The following ZNF469 variants were observed in gnomAD, a reference collection of about 807,000 sequenced individuals.
ZNF469 encodes the protein zinc finger protein 469.
Under a neutral mutation model 1.0 loss-of-function variants are expected in ZNF469, and 1 was observed. The observed-to-expected ratio is 1.00, with a 90% CI of 0.35 to 4.73. The LOEUF is 4.73. Ranked by LOEUF, ZNF469 falls within the 30% of genes most tolerant of loss-of-function variation. The pLI is 0.16. For synonymous variants in ZNF469, 2,703 were observed against 2,363.4 expected (o/e 1.14, Z -4.17); for missense variants, 6,100 against 5,356.3 (o/e 1.14, Z -4.33).
rs1347569276 is a variant in ZNF469 at position 88,431,870 on chromosome 16, C to T, written c.4400C>T (p.Pro1467Leu). The T allele has an allele frequency of 1.9e-6, 3 of 1,550,054 alleles. No individual in the cohort carries two copies. Among genetic ancestry groups the T allele is most frequent in the Non-Finnish European group, 2.6e-6 (3 of 1,146,836 alleles). The change falls in exon 3 of 3, where the codon CCC (proline) becomes CTC (leucine). Residue 1467 changes from proline (P) to leucine (L), a missense_variant. Physicochemically the swap from Pro to Leu is moderately conservative, Grantham distance 98. Transcript: ENST00000565624. ...PDLPVDRFDP[P>L]LYGSLSANRD... ...CTGCCGGTGGACAGATTCGACCCACCCCTCTATGGCAGCCTGTCTGCGAAC... is the reference window on the plus strand; with the variant it reads ...CTGCCGGTGGACAGATTCGACCCACTCCTCTATGGCAGCCTGTCTGCGAAC...
the ZNF469 span, among the ~76,000 whole-genome samples, chr16:88,364,677 G>A: frequency 6.6e-6 from 1 of 152,104 alleles, no homozygotes; most frequent in African/African-American, 2.4e-5. Flanking sequence ...TAAAAGTCTT[G>A]TATAGACTGG....
the ZNF469 span, among the ~76,000 whole-genome samples, chr16:88,149,582 A>T: frequency 6.6e-6 from 1 of 152,098 alleles, no homozygotes; most frequent in Non-Finnish European, 1.5e-5. Context: ...CGAGTCTTGC[A>T]CTCAGTCCAA....
At chr16:88,205,263 C>G in the ZNF469 span, among the ~76,000 whole-genome samples, 1 of 152,170 alleles carries the variant, frequency 6.6e-6, no homozygotes, top group Non-Finnish European at 1.5e-5. The surrounding 1 kb of genome is among the most constrained non-coding windows in gnomAD (Gnocchi z 4.2). Flanking sequence ...AGAACGTTGG[C>G]TTCGTAGAAC....
chr16:88,218,844 G>A, the ZNF469 span, among the ~76,000 whole-genome samples: 727 of 149,902 alleles, frequency 4.8e-3, 5 homozygotes, highest in African/African-American at 0.017. Flanking sequence ...GTTTGCAGAC[G>A]ACATGATTGT....
chr16:88,367,377 T>G, the ZNF469 span, among the ~76,000 whole-genome samples: 1 of 152,192 alleles, frequency 6.6e-6, no homozygotes. Context: ...CCACAACTCG[T>G]GAGTGACGGA....
the ZNF469 span, among the ~76,000 whole-genome samples, chr16:88,330,290 G>C: frequency 6.6e-6 from 1 of 152,204 alleles, no homozygotes; most frequent in Non-Finnish European, 1.5e-5. Flanking sequence ...ACATGCGAAG[G>C]CCCTTCCTAG....
chr16:88,176,045 C>G, the ZNF469 span, among the ~76,000 whole-genome samples: 3 of 152,174 alleles, frequency 2.0e-5, no homozygotes, highest in African/African-American at 7.2e-5. Flanking sequence ...GGCCCTCTTG[C>G]TTGTAGAAGT....
chr16:88,248,552 A>C, the ZNF469 span, among the ~76,000 whole-genome samples: 2,895 of 152,264 alleles, frequency 0.019, 93 homozygotes, highest in African/African-American at 0.066. Flanking sequence ...ATTCCCCCCA[A>C]CTAATTTTAA....
Position 88,431,075 on chromosome 16 carries a change from C to G in ZNF469, c.3605C>G (p.Pro1202Arg). The G allele has an allele frequency of 6.5e-7, 1 of 1,549,872 alleles. No individual in the cohort carries two copies. ...ADRPSVAPKD[P>R]LQVPTNTETS... ...CGCCCCTCAGTGGCCCCCAAGGATC[C>G]CCTGCAGGTCCCCACCAACACCGAG... Residue 1202 changes from proline to arginine, a missense_variant, in exon 3 of 3, where the codon CCC becomes CGC. Physicochemically the swap from Pro to Arg is moderately radical, Grantham distance 103 (BLOSUM62 -2). Coordinates refer to ENST00000565624, the MANE Select transcript of ZNF469 (RefSeq NM_001367624.2).
chr16:88,277,654 C>G, the ZNF469 span, among the ~76,000 whole-genome samples: 1 of 131,388 alleles, frequency 7.6e-6, no homozygotes, highest in East Asian at 2.2e-4. Flanking sequence ...CTGTGCCACG[C>G]TGACACTCAG....
chr16:88,167,745 G>A, the ZNF469 span, among the ~76,000 whole-genome samples: 1 of 152,194 alleles, frequency 6.6e-6, no homozygotes, highest in Non-Finnish European at 1.5e-5. Flanking sequence ...GCTGCAAATG[G>A]GGGGTGGGTG....
the ZNF469 span, among the ~76,000 whole-genome samples, chr16:88,329,165 AGAAG>A: frequency 2.0e-5 from 3 of 152,304 alleles, no homozygotes; most frequent in East Asian, 5.8e-4. Context: ...AGGGAGCCAC[AGAAG>A]GTTCATGAGC....
chr16:88,229,456 C>T, the ZNF469 span, among the ~76,000 whole-genome samples: 1 of 152,222 alleles, frequency 6.6e-6, no homozygotes. Flanking sequence ...TCCGTTCCTG[C>T]CAAGACCCTC....
chr16:88,436,273 C>T lies in ZNF469; in HGVS notation c.8803C>T (p.Pro2935Ser), dbSNP rs1350185311. 1.3e-6 allele frequency: 2 copies of T among 1,549,846 alleles called. No individual in the cohort carries two copies. The highest frequency in any genetic ancestry group is 1.4e-5 in the African/African-American group (1 of 73,046). Residue 2935 changes from proline to serine, a missense_variant, in exon 3 of 3, where the codon CCC (proline) becomes TCC (serine). Pro to Ser is a moderately conservative substitution (Grantham distance 74, BLOSUM62 -1). Coordinates refer to ENST00000565624, the MANE Select transcript of ZNF469 (RefSeq NM_001367624.2). ...PWEDEDPAGL[P>S]ESFLLDGFLN... The stretch of plus-strand genomic sequence containing the variant: ...GGAGGACGAGGATCCCGCAGGTCTG[C>T]CCGAGTCCTTCCTCCTGGATGGGTT...
chr16:88,242,282 G>A, the ZNF469 span, among the ~76,000 whole-genome samples: 1 of 152,220 alleles, frequency 6.6e-6, no homozygotes, highest in Non-Finnish European at 1.5e-5. Context: ...TTCTCTAAAT[G>A]CATTTTCAAA....
intron 1 of ZNF469, among the ~76,000 whole-genome samples, chr16:88,398,954 C>G (rs1370054324): frequency 6.6e-6 from 1 of 152,240 alleles, no homozygotes; most frequent in African/African-American, 2.4e-5. Flanking sequence ...CACCACCCCC[C>G]CAGGATCTAT....
the ZNF469 span, among the ~76,000 whole-genome samples, chr16:88,235,362 C>T: frequency 2.0e-4 from 30 of 152,204 alleles, no homozygotes; most frequent in African/African-American, 7.0e-4. Context: ...CTGAGGCTCT[C>T]TCCTTTGAGT....
At chr16:88,120,918 G>A in the ZNF469 span, among the ~76,000 whole-genome samples, 2 of 152,190 alleles carry the variant, frequency 1.3e-5, no homozygotes, top group Non-Finnish European at 2.9e-5. Flanking sequence ...TGGTTTCTTG[G>A]TCCTCAGCCA....
the ZNF469 span, among the ~76,000 whole-genome samples, chr16:88,108,004 T>C: frequency 1.3e-5 from 2 of 152,246 alleles, no homozygotes; most frequent in Admixed American, 6.5e-5. Context: ...CTCCATGCGA[T>C]CTGTATGTCA....
Sources: gnomAD v4.1 joint callset for allele counts (sites outside exome capture counted in the v4.1 genomes callset) on GRCh38, gnomAD v4.1.1 for gene constraint, Gnocchi (gnomAD v3.1) non-coding constraint, MANE v1.5 for transcripts, NCBI Gene and HGNC (gene_info 2026-07-23, HGNC 2026-07-21) for gene names.